TMEM232: variants seen among roughly 807,000 people sequenced by gnomAD.
TMEM232 encodes transmembrane protein 232.
Under a neutral mutation model 78.8 loss-of-function variants are expected in TMEM232, and 80 were observed. The observed-to-expected ratio is 1.01, with a 90% CI of 0.85 to 1.22. The LOEUF (loss-of-function observed/expected upper bound fraction) is 1.22. Ranked by LOEUF, TMEM232 falls within the 50% of genes most tolerant of loss-of-function variation. The pLI is 0.00. For missense variants in TMEM232, 881 were observed against 742.2 expected, an observed-to-expected ratio of 1.19 and a Z score of -2.17; for synonymous variants, 297 against 254.3, an observed-to-expected ratio of 1.17 and a Z score of -1.60.
intron 10 of TMEM232, among the ~76,000 whole-genome samples, chr5:110,587,771 A>T (rs2149756487): frequency 7.0e-6 from 1 of 143,240 alleles, no homozygotes; most frequent in East Asian, 2.1e-4. Flanking sequence ...TTAAATATGC[A>T]CATTGTATTA....
chr5:110,658,842 C>T (rs1278391137), intron 2 of TMEM232, among the ~76,000 whole-genome samples: 17 of 152,148 alleles, frequency 1.1e-4, no homozygotes, highest in Admixed American at 1.1e-3. Flanking sequence ...AGTTTATCTT[C>T]ATCATTAGCC....
intron 1 of TMEM232, among the ~76,000 whole-genome samples, chr5:110,682,348 A>G (rs1158550020): frequency 6.6e-6 from 1 of 152,160 alleles, no homozygotes; most frequent in African/African-American, 2.4e-5. Context: ...TCCCTTTAAA[A>G]TAAGCAAAAC....
intron 8 of TMEM232, among the ~76,000 whole-genome samples, chr5:110,607,327 T>A (rs528367038): frequency 6.6e-6 from 1 of 152,158 alleles, no homozygotes; most frequent in South Asian, 2.1e-4. Context: ...AACTCAAGTT[T>A]TCTCCCACCA....
chr5:110,593,578 A>G (rs542939708), intron 10 of TMEM232, among the ~76,000 whole-genome samples: 24 of 152,284 alleles, frequency 1.6e-4, no homozygotes, highest in Admixed American at 1.2e-3. Flanking sequence ...ACAGTAGGAC[A>G]ACCTGCATAT....
intron 12 of TMEM232, among the ~76,000 whole-genome samples, chr5:110,517,729 A>C (rs1265291868): frequency 6.6e-6 from 1 of 152,198 alleles, no homozygotes; most frequent in Non-Finnish European, 1.5e-5. Flanking sequence ...TGGGGAGGAG[A>C]CATTCTAAAT....
intron 7 of TMEM232, among the ~76,000 whole-genome samples, chr5:110,622,992 T>TAATAAATA (rs146087253): frequency 0.025 from 3,791 of 148,992 alleles, 187 homozygotes; most frequent in African/African-American, 0.087. Context: ...TAAAGTATAA[T>TAATAAATA]AATAAATAAA....
At chr5:110,694,908 A>C (rs1794587466) in intron 1 of TMEM232, among the ~76,000 whole-genome samples, 1 of 152,220 alleles carries the variant, frequency 6.6e-6, no homozygotes, top group South Asian at 2.1e-4. Context: ...CAGAAAGTTC[A>C]CAAGGATATC....
At chr5:110,505,700 G>A (rs1766803503) in intron 12 of TMEM232, among the ~76,000 whole-genome samples, 1 of 151,974 alleles carries the variant, frequency 6.6e-6, no homozygotes, top group Non-Finnish European at 1.5e-5. Flanking sequence ...GGTAGAGATG[G>A]GGCTTCACCA....
At chr5:110,676,318 T>C (rs916771503) in intron 1 of TMEM232, among the ~76,000 whole-genome samples, 1 of 151,972 alleles carries the variant, frequency 6.6e-6, no homozygotes, top group African/African-American at 2.4e-5. Context: ...AAGGTAGTTC[T>C]ATTTTCAATT....
At chr5:110,389,577 T>C (rs1254237600) in intron 4 of TMEM232, among the ~76,000 whole-genome samples, 3 of 152,202 alleles carry the variant, frequency 2.0e-5, no homozygotes, top group Non-Finnish European at 2.9e-5. Flanking sequence ...GTTCTAACAA[T>C]TGCATTGGAT....
downstream of TMEM232, chr5:110,417,623 T>C (rs574644433): frequency 4.5e-5 from 5 of 111,780 alleles, no homozygotes; most frequent in South Asian, 3.2e-4. Flanking sequence ...TTTTTCTTTT[T>C]TTTTTTTTTT....
intron 2 of TMEM232, among the ~76,000 whole-genome samples, chr5:110,659,467 G>A (rs1338093386): frequency 6.6e-6 from 1 of 152,046 alleles, no homozygotes; most frequent in Non-Finnish European, 1.5e-5. Flanking sequence ...CAGGTGCCTG[G>A]GAGAGAAGCT....
chr5:110,434,348 C>A (rs1180408200), intron 12 of TMEM232, among the ~76,000 whole-genome samples: 1 of 151,480 alleles, frequency 6.6e-6, no homozygotes, highest in African/African-American at 2.4e-5. Flanking sequence ...TCTCTATGCA[C>A]AGAAACTAGA....
chr5:110,615,835 G>C (rs1043468228), intron 8 of TMEM232, among the ~76,000 whole-genome samples: 16 of 151,718 alleles, frequency 1.1e-4, no homozygotes, highest in African/African-American at 3.9e-4. Flanking sequence ...AAAATCAATA[G>C]CACTGCTATA....
chr5:110,498,535 A>T (rs969356322), intron 12 of TMEM232, among the ~76,000 whole-genome samples: 4 of 152,162 alleles, frequency 2.6e-5, no homozygotes, highest in Non-Finnish European at 4.4e-5. Context: ...TATAAAAGTT[A>T]ACTATTTAAT....
At chr5:110,717,995 T>G (rs2150336929) in intron 1 of TMEM232, among the ~76,000 whole-genome samples, 1 of 152,250 alleles carries the variant, frequency 6.6e-6, no homozygotes, top group Middle Eastern at 3.4e-3. Context: ...CTGTATGTGT[T>G]TAAAAGTATA....
intron 12 of TMEM232, among the ~76,000 whole-genome samples, chr5:110,476,388 A>C (rs748867851): frequency 4.6e-5 from 7 of 151,960 alleles, no homozygotes; most frequent in Non-Finnish European, 8.8e-5. Flanking sequence ...GCTATTTTAC[A>C]AGTCAAAGAA....
intron 12 of TMEM232, among the ~76,000 whole-genome samples, chr5:110,482,317 A>T (rs1763957488): frequency 6.6e-6 from 1 of 152,170 alleles, no homozygotes; most frequent in Non-Finnish European, 1.5e-5. Flanking sequence ...ATCGTGGCTC[A>T]CTGCTGTAAT....
intron 12 of TMEM232, among the ~76,000 whole-genome samples, chr5:110,525,238 C>A (rs1770399800): frequency 6.7e-6 from 1 of 149,150 alleles, no homozygotes; most frequent in African/African-American, 2.5e-5. Context: ...TGATAAAATA[C>A]ATAAAAGGAA....
Sources: allele counts gnomAD v4.1 joint callset (sites outside exome capture counted in the v4.1 genomes callset), GRCh38; gene constraint gnomAD v4.1.1; transcripts MANE v1.5; gene names NCBI Gene and HGNC (gene_info 2026-07-23, HGNC 2026-07-21).